AGBL4: variants seen among roughly 807,000 people sequenced by gnomAD.
AGBL4 encodes the protein AGBL carboxypeptidase 4, also known as cytosolic carboxypeptidase 6.
AGBL4 carries 58 observed loss-of-function variants against 66.4 expected under a neutral mutation model. The ratio of observed to expected loss-of-function variants is 0.87; its 90% CI spans 0.71 to 1.09. AGBL4 has a LOEUF of 1.09. AGBL4 is among the 50% of genes least tolerant of loss of function. The pLI is 0.00. For missense variants in AGBL4, 579 were observed against 631.0 expected (o/e 0.92, Z 0.88); for synonymous variants, 234 against 222.9 (o/e 1.05, Z -0.44).
At chr1:49,869,560 C>T (rs908623576) in intron 1 of AGBL4, among the ~76,000 whole-genome samples, 4 of 152,092 alleles carry the variant, frequency 2.6e-5, no homozygotes, top group African/African-American at 4.8e-5. Flanking sequence ...CAAATGGACA[C>T]AGGGAGAGGA....
chr1:49,377,231 A>G (rs1205725391), intron 3 of AGBL4, among the ~76,000 whole-genome samples: 3 of 152,180 alleles, frequency 2.0e-5, no homozygotes, highest in Non-Finnish European at 4.4e-5. Flanking sequence ...GTGACACAAA[A>G]CTATGAGACT....
intron 4 of AGBL4, among the ~76,000 whole-genome samples, chr1:49,162,221 A>T (rs971469675): frequency 3.7e-4 from 57 of 152,158 alleles, no homozygotes; most frequent in African/African-American, 1.4e-3. Context: ...TATGATGATG[A>T]TGATGGTGGT....
the AGBL4 span, among the ~76,000 whole-genome samples, chr1:48,522,938 A>G: frequency 3.9e-5 from 6 of 152,002 alleles, no homozygotes; most frequent in African/African-American, 4.8e-5. Context: ...AAAAAAAAAA[A>G]AAAGAAAGAA....
chr1:48,796,929 A>T (rs1158631371), intron 6 of AGBL4, among the ~76,000 whole-genome samples: 1 of 152,232 alleles, frequency 6.6e-6, no homozygotes, highest in Non-Finnish European at 1.5e-5. Context: ...TAGTGGGAAA[A>T]CAGCAGCCTA....
chr1:49,473,567 T>C (rs1646789218), intron 3 of AGBL4, among the ~76,000 whole-genome samples: 1 of 152,020 alleles, frequency 6.6e-6, no homozygotes, highest in South Asian at 2.1e-4. Context: ...ATAAAATTTT[T>C]CTTATTCTGT....
intron 5 of AGBL4, among the ~76,000 whole-genome samples, chr1:49,016,614 T>G (rs1571238714): frequency 6.6e-6 from 1 of 152,144 alleles, no homozygotes; most frequent in East Asian, 1.9e-4. Context: ...TGGCTCCTAT[T>G]GGCTGGAAAG....
At chr1:49,348,638 T>G (rs541337160) in intron 3 of AGBL4, among the ~76,000 whole-genome samples, 1 of 152,318 alleles carries the variant, frequency 6.6e-6, no homozygotes, top group African/African-American at 2.4e-5. Flanking sequence ...AGGACCGTGC[T>G]TTTGGCCCAA....
intron 1 of AGBL4, among the ~76,000 whole-genome samples, chr1:49,937,733 A>C (rs1001409240): frequency 6.6e-6 from 1 of 152,210 alleles, no homozygotes; most frequent in African/African-American, 2.4e-5. Context: ...CCTGCTCCTG[A>C]ATGACTACTG....
intron 3 of AGBL4, among the ~76,000 whole-genome samples, chr1:49,384,910 G>A (rs571649145): frequency 1.3e-5 from 2 of 152,274 alleles, no homozygotes; most frequent in East Asian, 3.9e-4. Flanking sequence ...GCACACTCAT[G>A]TTCATTGGAG....
chr1:49,539,222 GGA>G (rs1357894923), intron 3 of AGBL4, among the ~76,000 whole-genome samples: 1 of 151,842 alleles, frequency 6.6e-6, no homozygotes, highest in East Asian at 1.9e-4. Flanking sequence ...ATCTAATTCT[GGA>G]ATGATATTTA....
intron 6 of AGBL4, among the ~76,000 whole-genome samples, chr1:48,762,363 C>T (rs1010433005): frequency 6.6e-6 from 1 of 152,216 alleles, no homozygotes; most frequent in Admixed American, 6.5e-5. Context: ...ATTTGTCTCT[C>T]ACTGGATATG....
intron 3 of AGBL4, among the ~76,000 whole-genome samples, chr1:49,440,947 TC>T (rs1646015112): frequency 6.6e-6 from 1 of 152,054 alleles, no homozygotes; most frequent in South Asian, 2.1e-4. Context: ...AGTGGCAACA[TC>T]CCCTCCCCAA....
intron 4 of AGBL4, among the ~76,000 whole-genome samples, chr1:49,204,485 G>T (rs1647974224): frequency 1.3e-5 from 2 of 151,962 alleles, no homozygotes; most frequent in African/African-American, 4.8e-5. Context: ...TCTCTATGTT[G>T]CTCAGGCTAG....
At chr1:48,747,755 G>A (rs949229411) in intron 6 of AGBL4, among the ~76,000 whole-genome samples, 3 of 152,110 alleles carry the variant, frequency 2.0e-5, no homozygotes, top group South Asian at 2.1e-4. Context: ...TTGTTGTATC[G>A]TAAACTGGAC....
chr1:49,909,923 A>T (rs558729333), intron 1 of AGBL4, among the ~76,000 whole-genome samples: 1 of 152,312 alleles, frequency 6.6e-6, no homozygotes, highest in East Asian at 1.9e-4. Context: ...GAAAATCAAA[A>T]GTTTATGTCT....
chr1:49,281,238 T>C (rs1402912225), intron 3 of AGBL4, among the ~76,000 whole-genome samples: 4 of 152,194 alleles, frequency 2.6e-5, no homozygotes, highest in African/African-American at 7.2e-5. Flanking sequence ...AGAATGATGA[T>C]GCCACATATG....
intron 5 of AGBL4, among the ~76,000 whole-genome samples, chr1:48,886,212 A>C (rs1241655488): frequency 6.6e-6 from 1 of 152,112 alleles, no homozygotes; most frequent in Non-Finnish European, 1.5e-5. Flanking sequence ...CAGACCATTA[A>C]ATTCTAAAGG....
chr1:48,778,135 ACATCCATCCATCCATC>A (rs34372698), intron 6 of AGBL4, among the ~76,000 whole-genome samples: 9 of 148,716 alleles, frequency 6.1e-5, no homozygotes, highest in Admixed American at 2.0e-4. Flanking sequence ...ATAAAAACCC[ACATCCATCCATCCATC>A]CATCCATCCA....
chr1:48,643,951 G>C (rs1180690083), intron 8 of AGBL4, among the ~76,000 whole-genome samples: 1 of 152,106 alleles, frequency 6.6e-6, no homozygotes, highest in Non-Finnish European at 1.5e-5. Flanking sequence ...TGAAGTAAAG[G>C]AGGCAAGTTT....
Sources: gnomAD v4.1 joint callset for allele counts (sites outside exome capture counted in the v4.1 genomes callset) on GRCh38, gnomAD v4.1.1 for gene constraint, MANE v1.5 for transcripts, NCBI Gene and HGNC (gene_info 2026-07-23, HGNC 2026-07-21) for gene names.